TIPRL: variants seen among roughly 807,000 people sequenced by gnomAD.
TIPRL encodes the protein TOR signaling pathway regulator.
TIPRL carries 10 observed loss-of-function variants against 32.3 expected under a neutral mutation model. The ratio of observed to expected loss-of-function variants is 0.31; its 90% CI spans 0.19 to 0.52. The LOEUF is 0.52. Among genes scored for constraint, TIPRL ranks in the 20% least tolerant of loss-of-function variants. TIPRL has a pLI of 0.96. For missense variants in TIPRL, 250 were observed against 328.1 expected, an observed-to-expected ratio of 0.76 and a Z score of 1.84; for synonymous variants, 100 against 114.0, an observed-to-expected ratio of 0.88 and a Z score of 0.78.
intron 3 of TIPRL, among the ~76,000 whole-genome samples, chr1:168,190,024 C>T (rs2235207): frequency 0.48 from 72,733 of 152,042 alleles, 20,629 homozygotes; most frequent in African/African-American, 0.79. Context: ...ATGTGTTCCT[C>T]TGAACTAAAA....
chr1:168,188,836 C>A (rs1330210306), intron 3 of TIPRL, among the ~76,000 whole-genome samples: 3 of 152,110 alleles, frequency 2.0e-5, no homozygotes, highest in Non-Finnish European at 4.4e-5. Flanking sequence ...AAAAAATTAG[C>A]CAAGCGTTGT....
chr1:168,185,258 C>G lies in TIPRL; in HGVS notation c.384+380C>G, dbSNP rs115580146. Among the ~76,000 whole-genome samples the G allele has an allele frequency of 4.6e-5, 7 of 152,256 alleles. No individual in the cohort carries two copies. The South Asian group carries it at 1.5e-3, about 32-fold the overall frequency. Reference sequence around the variant, plus strand: ...ACAAATATATGAGCAAAAAGAACTTCTGGTTAGACAAAGTAGGTTTATGCC... The same window carrying G: ...ACAAATATATGAGCAAAAAGAACTTGTGGTTAGACAAAGTAGGTTTATGCC... On this transcript the variant is annotated intron_variant, in intron 3 of 6. Transcript: ENST00000367833.
chr1:168,182,116 A>G (rs1427945079), intron 1 of TIPRL, among the ~76,000 whole-genome samples: 1 of 151,992 alleles, frequency 6.6e-6, no homozygotes, highest in African/African-American at 2.4e-5. Flanking sequence ...CAAAAGGAAG[A>G]CTTACCCTCA....
intron 4 of TIPRL, among the ~76,000 whole-genome samples, chr1:168,193,340 A>G (rs534676097): frequency 9.2e-5 from 14 of 152,362 alleles, no homozygotes; most frequent in Admixed American, 3.3e-4. Flanking sequence ...GCTTAAGGTC[A>G]TGAAACTAAT....
intron 4 of TIPRL, among the ~76,000 whole-genome samples, chr1:168,193,888 A>T (rs1700124993): frequency 6.6e-6 from 1 of 152,240 alleles, no homozygotes; most frequent in Non-Finnish European, 1.5e-5. Flanking sequence ...TAATACTTAA[A>T]TGCATAATAT....
At chr1:168,194,905 A>T (rs537369067) in intron 4 of TIPRL, among the ~76,000 whole-genome samples, 39 of 152,354 alleles carry the variant, frequency 2.6e-4, no homozygotes, top group African/African-American at 8.9e-4. Context: ...ATAAATGAAG[A>T]TAGTTACAAA....
rs1248099075 is a variant in TIPRL, at chr1:168,201,137, A to G, written c.*1091A>G. The stretch of plus-strand genomic sequence containing the variant: ...CATAGTGACCCCTTAGTCATTTTAT[A>G]TTCTTGTCTGCCTTTCTAGAAAAAT... On this transcript the variant is annotated 3_prime_UTR_variant, in exon 7 of 7. Coordinates refer to ENST00000367833, the MANE Select transcript of TIPRL (RefSeq NM_152902.5). The G allele has an allele frequency of 6.6e-6, 1 of 152,168 alleles. No homozygotes were observed. Among genetic ancestry groups the G allele is most frequent in the Admixed American group, 6.5e-5 (1 of 15,274 alleles). 9.4% of individuals were successfully genotyped at this position (152,168 alleles called of 1,614,324 possible).
rs760815085 is a variant in TIPRL at position 168,179,101 on chromosome 1, C to A, written c.24C>A (p.Ser8Arg). MMIHGFQ[S>R]SHRDFCFGPW... is the part of the protein sequence containing the mutation. ...CCATGATGATCCACGGCTTCCAGAGCAGCCACCGGGATTTCTGCTTCGGGC... is the reference window on the plus strand; with the variant it reads ...CCATGATGATCCACGGCTTCCAGAGAAGCCACCGGGATTTCTGCTTCGGGC... Residue 8 changes from serine to arginine, a missense_variant, in exon 1 of 7, where the codon AGC becomes AGA. Ser to Arg is a moderately radical substitution (Grantham distance 110). Transcript: ENST00000367833. 6.8e-6 allele frequency: 11 copies of A among 1,613,914 alleles called. No homozygotes were observed. Among genetic ancestry groups the A allele is most frequent in the Non-Finnish European group, 9.3e-6 (11 of 1,179,902 alleles).
At chr1:168,199,679 G>A (rs2102314681) in intron 6 of TIPRL, among the ~76,000 whole-genome samples, 1 of 152,082 alleles carries the variant, frequency 6.6e-6, no homozygotes, top group East Asian at 1.9e-4. Flanking sequence ...GGACATTTGT[G>A]GGAACATTAT....
chr1:168,184,995 G>A, intron 3 of TIPRL, 117 bp downstream of exon 3: 1 of 635,750 alleles, frequency 1.6e-6, no homozygotes, highest in Admixed American at 3.1e-5. Context: ...GTTTTCTGTT[G>A]TGGCATTCCT....
At chr1:168,191,861 A>C in intron 4 of TIPRL, among the ~76,000 whole-genome samples, 3 of 148,604 alleles carry the variant, frequency 2.0e-5, no homozygotes, top group African/African-American at 2.5e-5. Context: ...GACAGAGCAA[A>C]AAAAAAAAAA....
chr1:168,179,774 G>A (rs949060228), intron 1 of TIPRL, among the ~76,000 whole-genome samples: 1 of 152,094 alleles, frequency 6.6e-6, no homozygotes, highest in Non-Finnish European at 1.5e-5. Context: ...GGGGGCGGTG[G>A]ATAGGTACAT....
chr1:168,201,454 G>C lies in TIPRL; in HGVS notation c.*1408G>C, dbSNP rs1325316127. On this transcript the variant is annotated 3_prime_UTR_variant, in exon 7 of 7. Transcript: ENST00000367833. ...GTGTATTGCTGGAGCCAATAGGCAG[G>C]GTATATTTTATTAGCTAAATTTGAT... 2 of 151,846 alleles carry C rather than the reference G, an allele frequency of 1.3e-5. No homozygotes were observed. Among genetic ancestry groups the C allele is most frequent in the East Asian group, 3.9e-4 (2 of 5,180 alleles). 9.4% of individuals were successfully genotyped at this position (151,846 alleles called of 1,614,324 possible).
At chr1:168,185,608 TA>T (rs3215454) in intron 3 of TIPRL, among the ~76,000 whole-genome samples, 66,557 of 145,752 alleles carry the variant, frequency 0.46, 17,961 homozygotes, top group African/African-American at 0.75. Flanking sequence ...CCTTGTCTAT[TA>T]AAAAAAAAAA....
Position 168,198,928 on chromosome 1 carries a change from A to G in TIPRL, c.622A>G (p.Thr208Ala), listed in dbSNP as rs751552308. The G allele has an allele frequency of 1.2e-6, 2 of 1,611,812 alleles. No homozygotes were observed. The highest frequency in any genetic ancestry group is 1.7e-6 in the Non-Finnish European group (2 of 1,178,648). The change falls in exon 6 of 7, where the codon ACC (threonine) becomes GCC (alanine). Residue 208 changes from threonine to alanine, a missense_variant. By Grantham distance (58) the Thr-to-Ala change is moderately conservative (BLOSUM62 0). Coordinates refer to ENST00000367833, the MANE Select transcript of TIPRL (RefSeq NM_152902.5). ...TTATTTTTAAATACAGGCTGACAAG[A>G]CCTACATGTTACGAGAATATACGTC... is the stretch of plus-strand genomic sequence containing the variant. The part of the protein sequence containing the change: ...DTRLYHEADK[T>A]YMLREYTSRE...
chr1:168,190,304 A>C (rs959958365), intron 3 of TIPRL, among the ~76,000 whole-genome samples: 3 of 152,044 alleles, frequency 2.0e-5, no homozygotes, highest in Admixed American at 1.3e-4. Context: ...GTGACCATGG[A>C]AGAATTATGG....
chr1:168,198,417 T>G (rs577055599), intron 5 of TIPRL, among the ~76,000 whole-genome samples: 1 of 152,184 alleles, frequency 6.6e-6, no homozygotes, highest in Admixed American at 6.5e-5. Flanking sequence ...TGGGAAAAAT[T>G]GAAGTACAAA....
At chr1:168,199,877 G>T in intron 6 of TIPRL, 26 bp from the exon 7 acceptor site, 1 of 1,602,356 alleles carries the variant, frequency 6.2e-7, no homozygotes, top group Middle Eastern at 1.7e-4. Flanking sequence ...AACTGAATAT[G>T]CTAATATGAT....
chr1:168,179,727 T>A (rs2102303363), intron 1 of TIPRL, among the ~76,000 whole-genome samples: 1 of 152,196 alleles, frequency 6.6e-6, no homozygotes, highest in South Asian at 2.1e-4. Context: ...TCTGGGAAAT[T>A]GGGATGCCTG....
Sources: gnomAD v4.1 joint callset for allele counts (sites outside exome capture counted in the v4.1 genomes callset) on GRCh38, gnomAD v4.1.1 for gene constraint, MANE v1.5 for transcripts, NCBI Gene and HGNC (gene_info 2026-07-23, HGNC 2026-07-21) for gene names.